R3HDM1: variants seen among roughly 807,000 people sequenced by gnomAD.
R3HDM1 encodes R3H domain-containing protein 1.
A neutral mutation model predicts 141.1 loss-of-function variants in R3HDM1; 46 were observed. The observed-to-expected ratio is 0.33, with a 90% CI of 0.26 to 0.42. The LOEUF is 0.42. Ranked by LOEUF, R3HDM1 falls within the 10% of genes least tolerant of loss-of-function variation. The pLI, the probability that R3HDM1 is intolerant of heterozygous loss-of-function variation, is 1.00. For missense variants in R3HDM1, 1,184 were observed against 1,368.3 expected (o/e 0.87, Z 2.12); for synonymous variants, 435 against 472.9 (o/e 0.92, Z 1.04).
At chr2:135,546,605 A>T (rs1404945970) in intron 1 of R3HDM1, among the ~76,000 whole-genome samples, 1 of 152,218 alleles carries the variant, frequency 6.6e-6, no homozygotes, top group Non-Finnish European at 1.5e-5. Context: ...ACCAGTACCC[A>T]AAGCACATGA....
chr2:135,678,558 G>A (rs1359977978), intron 20 of R3HDM1, among the ~76,000 whole-genome samples: 1 of 151,266 alleles, frequency 6.6e-6, no homozygotes, highest in African/African-American at 2.4e-5. Flanking sequence ...GACCAGCCTG[G>A]CCAACATGGT....
chr2:135,575,639 A>G (rs1277463136), intron 1 of R3HDM1, among the ~76,000 whole-genome samples: 1 of 152,260 alleles, frequency 6.6e-6, no homozygotes, highest in African/African-American at 2.4e-5. Flanking sequence ...TACAGACAGT[A>G]GCCAGTTAGC....
At chr2:135,690,017 T>C (rs1319440257) in intron 21 of R3HDM1, among the ~76,000 whole-genome samples, 1 of 152,182 alleles carries the variant, frequency 6.6e-6, no homozygotes, top group African/African-American at 2.4e-5. Flanking sequence ...TTGAAAAGAC[T>C]ATAGCCTTTT....
intron 9 of R3HDM1, among the ~76,000 whole-genome samples, chr2:135,633,399 C>G (rs1326155600): frequency 1.3e-5 from 2 of 152,150 alleles, no homozygotes; most frequent in Non-Finnish European, 2.9e-5. Context: ...ACTGGTGACT[C>G]TCTAAGGTTT....
At chr2:135,535,506 A>G (rs1695883270) in intron 1 of R3HDM1, among the ~76,000 whole-genome samples, 1 of 128,670 alleles carries the variant, frequency 7.8e-6, no homozygotes, top group South Asian at 2.5e-4. Context: ...TCAAAAATAA[A>G]TAAATAAATA....
At position 135,680,217 on chromosome 2, in the gene R3HDM1, T is replaced by C. The variant is rs768520585; in HGVS notation, c.2352T>C (p.Tyr784=). The C allele has an allele frequency of 2.5e-6, 4 of 1,613,872 alleles. No homozygotes were observed. Among genetic ancestry groups the C allele is most frequent in the South Asian group, 2.2e-5 (2 of 91,072 alleles). Residue 784 remains tyrosine, a synonymous_variant, in exon 21 of 27, where the codon TAT becomes TAC. Coordinates refer to ENST00000683871, the MANE Select transcript of R3HDM1 (RefSeq NM_001378107.1). The stretch of plus-strand genomic sequence containing the variant: ...CTCAAGGAATTCCCCATCAGACTTA[T>C]CAACAGCCTGTTATGTTCCCTAATC... ...QGSQGIPHQT[Y]QQPVMFPNQS...
intron 3 of R3HDM1, chr2:135,607,769 C>G (rs1189229741): frequency 1.2e-6 from 1 of 843,182 alleles, no homozygotes; most frequent in African/African-American, 1.8e-5. Context: ...TTCTGATGAC[C>G]ACTTTTGCAT....
chr2:135,641,091 C>A (rs1326373121), intron 14 of R3HDM1, among the ~76,000 whole-genome samples: 1 of 152,194 alleles, frequency 6.6e-6, no homozygotes, highest in Non-Finnish European at 1.5e-5. Flanking sequence ...TTATTTCTTA[C>A]ACTGAATCTT....
Position 135,722,544 on chromosome 2 carries a change from G to C in R3HDM1, c.3040G>C (p.Gly1014Arg). ...KKAASTDLGA[G>R]ETVVGKVLEI... is the part of the protein sequence containing the mutation. The stretch of plus-strand genomic sequence containing the variant: ...AGCTGCATCCACAGACCTTGGAGCA[G>C]GAGAAACAGGTATGTCTCTGAGGGG... The change falls in exon 26 of 27, where the codon GGA becomes CGA. Residue 1014 changes from glycine (G) to arginine (R), a missense_variant. By Grantham distance (125) the Gly-to-Arg change is moderately radical. Transcript: ENST00000683871. 1 of 1,612,756 alleles carries C rather than the reference G, an allele frequency of 6.2e-7. No individual in the cohort carries two copies. The highest frequency in any genetic ancestry group is 8.5e-7 in the Non-Finnish European group (1 of 1,179,724).
At position 135,604,859 on chromosome 2, in the gene R3HDM1, ATACTGT is replaced by A. The variant is rs768663847; in HGVS notation, c.21_26del (p.Thr8_Val9del). The A allele has an allele frequency of 1.9e-6, 3 of 1,612,174 alleles. No homozygotes were observed. In the African/African-American group the frequency reaches 4.0e-5, roughly 22 times the overall value. Reference sequence around the variant, plus strand: ...TAACCTTTTCTAATGAGGATGTCTGATACTGTTACTGTAAAAGATGAAACTGCAACA... The same window carrying A: ...TAACCTTTTCTAATGAGGATGTCTGATACTGTAAAAGATGAAACTGCAACA... On this transcript the variant is annotated inframe_deletion, in exon 3 of 27. Coordinates refer to ENST00000683871, the MANE Select transcript of R3HDM1 (RefSeq NM_001378107.1).
chr2:135,579,600 G>GT, intron 1 of R3HDM1, among the ~76,000 whole-genome samples: 1 of 147,850 alleles, frequency 6.8e-6, no homozygotes, highest in Non-Finnish European at 1.5e-5. Context: ...GGTGGCGGGG[G>GT]GGGGTGGAAA....
At chr2:135,565,322 A>T (rs901749925) in intron 1 of R3HDM1, among the ~76,000 whole-genome samples, 40 of 143,158 alleles carry the variant, frequency 2.8e-4, no homozygotes, top group African/African-American at 9.3e-4. Flanking sequence ...AATGAAAAAA[A>T]ATTATTATTA....
chr2:135,718,884 A>T (rs1312480591), intron 24 of R3HDM1, among the ~76,000 whole-genome samples: 1 of 152,180 alleles, frequency 6.6e-6, no homozygotes, highest in Non-Finnish European at 1.5e-5. Flanking sequence ...GCAGTGGCTC[A>T]CACCTGTAAT....
chr2:135,637,019 A>T (rs1259258969), intron 11 of R3HDM1, among the ~76,000 whole-genome samples: 1 of 152,204 alleles, frequency 6.6e-6, no homozygotes, highest in Non-Finnish European at 1.5e-5. Context: ...GGAGGCTAAA[A>T]TAGAGATCAC....
rs1322488197 is a variant in R3HDM1, at chr2:135,631,771, A to G, written c.551A>G (p.Asn184Ser). 1.3e-6 allele frequency: 2 copies of G among 1,571,628 alleles called. No individual in the cohort carries two copies. The highest frequency in any genetic ancestry group is 1.7e-6 in the Non-Finnish European group (2 of 1,163,178). ...CAAGAAATTTTAGATTTCATTGGTA[A>G]TAATGAGTAAGTCCTGACATTCAAC... ...LEQEILDFIG[N>S]NESPRKKFPP... Residue 184 changes from asparagine (N) to serine (S), a missense_variant, in exon 8 of 27, where the codon AAT becomes AGT. Coordinates refer to ENST00000683871, the MANE Select transcript of R3HDM1 (RefSeq NM_001378107.1).
At chr2:135,533,964 A>G (rs1392086270) in intron 1 of R3HDM1, 1 of 982,436 alleles carries the variant, frequency 1.0e-6, no homozygotes, top group African/African-American at 1.7e-5. Flanking sequence ...ATTAACTGTT[A>G]TTTTCATGCA....
chr2:135,666,713 G>C (rs2067555024), intron 19 of R3HDM1, among the ~76,000 whole-genome samples: 1 of 152,094 alleles, frequency 6.6e-6, no homozygotes, highest in Admixed American at 6.6e-5. Context: ...GAGAAGAGGG[G>C]ATGAGAGATG....
intron 21 of R3HDM1, among the ~76,000 whole-genome samples, chr2:135,706,643 AT>A (rs1369458697): frequency 6.6e-6 from 1 of 152,148 alleles, no homozygotes; most frequent in South Asian, 2.1e-4. Flanking sequence ...CCCTTAATCC[AT>A]TTAACCCTGA....
intron 20 of R3HDM1, among the ~76,000 whole-genome samples, chr2:135,678,948 G>A (rs1010080759): frequency 1.2e-4 from 18 of 151,538 alleles, no homozygotes; most frequent in African/African-American, 3.4e-4. Context: ...TAGCAGAGAC[G>A]GGGTTTCACC....
Sources: gnomAD v4.1 joint callset for allele counts (sites outside exome capture counted in the v4.1 genomes callset) on GRCh38, gnomAD v4.1.1 for gene constraint, MANE v1.5 for transcripts, NCBI Gene and HGNC (gene_info 2026-07-23, HGNC 2026-07-21) for gene names.